The following SYNJ2 variants were observed in gnomAD, a reference collection of about 807,000 sequenced individuals.
SYNJ2 encodes polyphosphatidylinositol phosphatase SYNJ2.
A neutral mutation model predicts 141.3 loss-of-function variants in SYNJ2; 116 were observed. The ratio of observed to expected loss-of-function variants is 0.82; its 90% CI spans 0.71 to 0.96. SYNJ2 has a LOEUF of 0.96. SYNJ2 is among the 40% of genes least tolerant of loss of function. The probability of loss-of-function intolerance (pLI) is 0.00; values close to 1 mark genes in which losing one functional copy is unlikely to be tolerated. For missense variants in SYNJ2, 1,873 were observed against 1,934.8 expected, an observed-to-expected ratio of 0.97 and a Z score of 0.60; for synonymous variants, 745 against 777.7, an observed-to-expected ratio of 0.96 and a Z score of 0.70.
At chr6:158,042,791 G>T (rs1473750698) in intron 4 of SYNJ2, among the ~76,000 whole-genome samples, 1 of 152,232 alleles carries the variant, frequency 6.6e-6, no homozygotes, top group Non-Finnish European at 1.5e-5. Context: ...CCAGGACCAA[G>T]TACAAGATCA....
chr6:157,999,230 T>C (rs906555371), intron 1 of SYNJ2, among the ~76,000 whole-genome samples: 2 of 152,330 alleles, frequency 1.3e-5, no homozygotes, highest in African/African-American at 4.8e-5. Flanking sequence ...CATTTGCACA[T>C]GGTCACTGTT....
At position 158,033,616 on chromosome 6, in the gene SYNJ2, C is replaced by T. The variant is rs1779487077; in HGVS notation, c.647C>T (p.Thr216Ile). The T allele has an allele frequency of 2.5e-6, 4 of 1,613,590 alleles. No homozygotes were observed. The South Asian group carries it at 3.3e-5, about 13-fold the overall frequency. ...VSRVSCERTG[T>I]RFHTRGVNDD... ...CGCGTTAGCTGTGAGCGCACAGGCACTCGCTTCCACACCCGTGGCGTGAAC... is the reference window on the plus strand; with the variant it reads ...CGCGTTAGCTGTGAGCGCACAGGCATTCGCTTCCACACCCGTGGCGTGAAC... The change falls in exon 4 of 27, where the codon ACT becomes ATT. Residue 216 changes from threonine to isoleucine, a missense_variant. Transcript: ENST00000355585.
At chr6:158,086,799 T>A (rs1783063984) in intron 22 of SYNJ2, 56 bp from the exon 23 acceptor site, 1 of 1,580,380 alleles carries the variant, frequency 6.3e-7, no homozygotes, top group Admixed American at 1.7e-5. Flanking sequence ...GATCCGTGTC[T>A]GACACGCTCA....
At chr6:157,995,082 C>A (rs1295561042) in intron 1 of SYNJ2, among the ~76,000 whole-genome samples, 1 of 152,220 alleles carries the variant, frequency 6.6e-6, no homozygotes, top group Non-Finnish European at 1.5e-5. Context: ...GTGATTCAGC[C>A]AACTGCAGAA....
chr6:157,981,754 C>A, upstream of SYNJ2: 1 of 367,272 alleles, frequency 2.7e-6, no homozygotes, highest in Non-Finnish European at 4.6e-6. The surrounding 1 kb of genome is among the most constrained non-coding windows in gnomAD (Gnocchi z 6.4). Context: ...GGGCGGGAGG[C>A]GGCGGCGCGC....
At position 158,040,078 on chromosome 6, in the gene SYNJ2, G is replaced by A. The variant is rs1406862452; in HGVS notation, c.712-3238G>A. Among the ~76,000 whole-genome samples the A allele has an allele frequency of 6.6e-6, 1 of 152,188 alleles. No individual in the cohort carries two copies. The highest frequency in any genetic ancestry group is 1.9e-4 in the East Asian group (1 of 5,200). The stretch of plus-strand genomic sequence containing the variant: ...AATTCTCAGGAAGCCAGAAAAGGGG[G>A]ACCCTGTGGCACCCTCTGCTTTTGC... On this transcript the variant is annotated intron_variant, in intron 4 of 26. Transcript: ENST00000355585. The surrounding 1 kb of genome is among the most constrained non-coding windows in gnomAD (Gnocchi z 4.2).
intron 26 of SYNJ2, among the ~76,000 whole-genome samples, 189 bp downstream of exon 26, chr6:158,093,293 G>A (rs927256535): frequency 5.9e-5 from 9 of 151,926 alleles, no homozygotes; most frequent in East Asian, 3.9e-4. Context: ...AAAATTAGCC[G>A]GGCGTGGTGG....
intron 25 of SYNJ2, among the ~76,000 whole-genome samples, chr6:158,091,592 C>CA (rs1308667177): frequency 1.3e-5 from 2 of 150,186 alleles, no homozygotes; most frequent in African/African-American, 4.9e-5. Flanking sequence ...ACTAAAAATA[C>CA]AAAAAAATTA....
At chr6:157,981,805 G>A (rs567101833), upstream of SYNJ2, 3 of 594,198 alleles carry the variant, frequency 5.0e-6, no homozygotes, top group South Asian at 8.3e-5. The surrounding 1 kb of genome is among the most constrained non-coding windows in gnomAD (Gnocchi z 6.4). Context: ...GTGGGGAGGA[G>A]GAGGAAGGGG....
chr6:157,983,176 C>T (rs1562303829), intron 1 of SYNJ2, among the ~76,000 whole-genome samples: 1 of 152,306 alleles, frequency 6.6e-6, no homozygotes, highest in East Asian at 1.9e-4. Context: ...GACTCCCGTT[C>T]GGATGTATGT....
chr6:158,080,502 A>T (rs1368762563), intron 18 of SYNJ2, among the ~76,000 whole-genome samples: 1 of 147,484 alleles, frequency 6.8e-6, no homozygotes, highest in Non-Finnish European at 1.5e-5. Context: ...AAAAACGAGC[A>T]TTTCCCTTTT....
At position 158,072,200 on chromosome 6, in the gene SYNJ2, A is replaced by G. The variant is rs9365870; in HGVS notation, c.2133+406A>G. Among the ~76,000 whole-genome samples, 8 of 152,306 alleles carry G rather than the reference A, an allele frequency of 5.3e-5. No individual in the cohort carries two copies. In the East Asian group the frequency reaches 1.5e-3, roughly 29 times the overall value. ...CCTTCCTGAGATTCACAGTCTTCAC[A>G]TGTACTTTCTGTGGTGGCTCAGATA... On this transcript the variant is annotated intron_variant, in intron 15 of 26. Transcript: ENST00000355585.
intron 3 of SYNJ2, among the ~76,000 whole-genome samples, chr6:158,030,037 C>G (rs566264442): frequency 3.4e-4 from 52 of 152,296 alleles, no homozygotes; most frequent in Admixed American, 2.9e-3. Flanking sequence ...GGACTTGTAG[C>G]AATGCACTAA....
chr6:158,066,386 G>A (rs1428132843), intron 11 of SYNJ2, 58 bp from the exon 12 acceptor site: 6 of 1,590,332 alleles, frequency 3.8e-6, no homozygotes, highest in Non-Finnish European at 5.2e-6. Flanking sequence ...CTGTCTTTTT[G>A]GAGGATGCCT....
chr6:158,089,653 G>A (rs1178897418), intron 24 of SYNJ2, among the ~76,000 whole-genome samples, 186 bp from the exon 25 acceptor site: 1 of 152,158 alleles, frequency 6.6e-6, no homozygotes, highest in African/African-American at 2.4e-5. Flanking sequence ...GGTCTAAGTA[G>A]TATGGCACTC....
Position 158,081,329 on chromosome 6 carries a change from T to TA in SYNJ2, c.2786+4dup, listed in dbSNP as rs774053446. 1.9e-6 allele frequency: 3 copies of TA among 1,614,098 alleles called. No homozygotes were observed. Among genetic ancestry groups the TA allele is most frequent in the Non-Finnish European group, 2.5e-6 (3 of 1,179,982 alleles). On this transcript the variant is annotated splice_region_variant and intron_variant, in intron 19 of 26. Coordinates refer to ENST00000355585, the MANE Select transcript of SYNJ2 (RefSeq NM_003898.4). The stretch of plus-strand genomic sequence containing the variant: ...TTATGGGACAATTGTTCTTGTCAGG[T>TA]AACTGCTCCCCTGGCTGATGTGGGT...
At chr6:158,050,467 A>C (rs1347476857) in intron 5 of SYNJ2, among the ~76,000 whole-genome samples, 1 of 152,242 alleles carries the variant, frequency 6.6e-6, no homozygotes, top group Non-Finnish European at 1.5e-5. Flanking sequence ...TCTGAGGTAG[A>C]AAGGTTTGTT....
At chr6:157,992,524 A>G (rs527551148) in intron 1 of SYNJ2, among the ~76,000 whole-genome samples, 1 of 150,586 alleles carries the variant, frequency 6.6e-6, no homozygotes, top group Non-Finnish European at 1.5e-5. Context: ...CAACCTCCCA[A>G]GTAGCTGGGA....
At chr6:158,095,041 C>T (rs1014144047) in intron 26 of SYNJ2, among the ~76,000 whole-genome samples, 8 of 151,624 alleles carry the variant, frequency 5.3e-5, no homozygotes, top group African/African-American at 1.2e-4. Context: ...CCCAGCTACT[C>T]GGGAGGCTGA....
Sources: allele counts gnomAD v4.1 joint callset (sites outside exome capture counted in the v4.1 genomes callset), GRCh38; gene constraint gnomAD v4.1.1; non-coding constraint Gnocchi (gnomAD v3.1); transcripts MANE v1.5; gene names NCBI Gene and HGNC (gene_info 2026-07-23, HGNC 2026-07-21).